The following CORIN variants were observed in gnomAD, a reference collection of about 807,000 sequenced individuals.
CORIN encodes corin, serine peptidase.
Under a neutral mutation model 125.3 loss-of-function variants are expected in CORIN, and 117 were observed. That is an observed-to-expected ratio of 0.93 (90% CI 0.80 to 1.09). CORIN has a LOEUF of 1.09. Among genes scored for constraint, CORIN ranks in the 50% least tolerant of loss-of-function variants. CORIN has a pLI of 0.00. For missense variants in CORIN, 1,253 were observed against 1,306.7 expected, an observed-to-expected ratio of 0.96 and a Z score of 0.63; for synonymous variants, 450 against 466.4, an observed-to-expected ratio of 0.96 and a Z score of 0.45.
intron 16 of CORIN, among the ~76,000 whole-genome samples, chr4:47,628,341 A>G (rs2351792): frequency 0.14 from 20,966 of 151,952 alleles, 1,943 homozygotes; most frequent in East Asian, 0.47. Context: ...AAAATTGTAC[A>G]TATTTAAGGG....
At chr4:47,615,904 T>G (rs1418045886) in intron 19 of CORIN, among the ~76,000 whole-genome samples, 2 of 152,156 alleles carry the variant, frequency 1.3e-5, no homozygotes, top group African/African-American at 4.8e-5. Context: ...TTCCACTTTT[T>G]TGGAAGAAGA....
At chr4:47,706,425 C>T (rs1726555376) in intron 5 of CORIN, 8 of 1,609,682 alleles carry the variant, frequency 5.0e-6, no homozygotes, top group Non-Finnish European at 5.9e-6. Context: ...AGTCTGATGT[C>T]ACGCGCTTTC....
At chr4:47,660,901 C>T (rs970585191) in intron 12 of CORIN, among the ~76,000 whole-genome samples, 1 of 152,164 alleles carries the variant, frequency 6.6e-6, no homozygotes, top group African/African-American at 2.4e-5. Context: ...GCACTATTCA[C>T]AATAGCCAAG....
intron 7 of CORIN, chr4:47,682,676 T>C (rs1725344411): frequency 2.0e-5 from 3 of 152,192 alleles, no homozygotes; most frequent in Admixed American, 1.3e-4. Flanking sequence ...CCTGATTTGA[T>C]CATTACATAT....
chr4:47,744,380 G>T (rs751908590), intron 5 of CORIN, 22 bp downstream of exon 5: 1 of 1,603,224 alleles, frequency 6.2e-7, no homozygotes, highest in Non-Finnish European at 8.5e-7. Flanking sequence ...TTCTAAAAAT[G>T]AAATGAAACA....
At chr4:47,600,943 CT>C (rs1474947342) in intron 20 of CORIN, among the ~76,000 whole-genome samples, 3 of 152,214 alleles carry the variant, frequency 2.0e-5, no homozygotes, top group Non-Finnish European at 4.4e-5. Context: ...TGAATTCCAT[CT>C]TGCTTAAAAG....
rs1336621926 is a variant in CORIN, at chr4:47,661,825, C to CA, written c.1620dup (p.Glu541Ter). 1.9e-6 allele frequency: 3 copies of CA among 1,613,014 alleles called. No homozygotes were observed. Among genetic ancestry groups the CA allele is most frequent in the Non-Finnish European group, 2.5e-6 (3 of 1,179,374 alleles). On this transcript the variant is annotated frameshift_variant, in exon 12 of 22. Transcript: ENST00000273857. LOFTEE classifies it high-confidence loss of function. Reference sequence around the variant, plus strand: ...AGGCCCACAATCCCAAGAACAGACTCACAGCGTTCTTTAGAGTGTTCACAC... The same window carrying CA: ...AGGCCCACAATCCCAAGAACAGACTCAACAGCGTTCTTTAGAGTGTTCACAC...
chr4:47,666,129 A>C (rs1187756310), intron 10 of CORIN, among the ~76,000 whole-genome samples: 1 of 152,174 alleles, frequency 6.6e-6, no homozygotes, highest in Non-Finnish European at 1.5e-5. Flanking sequence ...TGGAAGACTC[A>C]GCACAAATAC....
At chr4:47,755,399 T>G (rs1355740321) in intron 4 of CORIN, among the ~76,000 whole-genome samples, 2 of 152,208 alleles carry the variant, frequency 1.3e-5, no homozygotes, top group East Asian at 3.8e-4. Flanking sequence ...TCAAGTATTC[T>G]TCACATGAAC....
chr4:47,714,454 A>G (rs889004866), intron 5 of CORIN, among the ~76,000 whole-genome samples: 1 of 152,228 alleles, frequency 6.6e-6, no homozygotes, highest in African/African-American at 2.4e-5. Context: ...GAGGAAACCA[A>G]TGCTGGAGAG....
chr4:47,648,488 T>A (rs1018617541), intron 13 of CORIN, among the ~76,000 whole-genome samples: 2 of 152,194 alleles, frequency 1.3e-5, no homozygotes, highest in African/African-American at 2.4e-5. Context: ...GTTTTTTGCT[T>A]ACTCTATCTC....
intron 16 of CORIN, among the ~76,000 whole-genome samples, chr4:47,632,725 T>TGATAGATAAATAGATGATAGATAGATA (rs1553905860): frequency 1.7e-4 from 21 of 126,658 alleles, no homozygotes; most frequent in African/African-American, 6.8e-4. Context: ...TGACAATAGA[T>TGATAGATAAATAGATGATAGATAGATA]GATAGATAGA....
Position 47,645,159 on chromosome 4 carries a change from T to G in CORIN, c.1879A>C (p.Asn627His), listed in dbSNP as rs1414482620. The G allele has an allele frequency of 1.2e-6, 2 of 1,611,780 alleles. No individual in the cohort carries two copies. Among genetic ancestry groups the G allele is most frequent in the South Asian group, 2.2e-5 (2 of 90,916 alleles). Residue 627 changes from asparagine to histidine, a missense_variant, in exon 14 of 22, where the codon AAT becomes CAT. Transcript: ENST00000273857. ...KERDLWECPS[N>H]KQCLKHTVIC... ...ACTGTGTGCTTCAAACATTGTTTAT[T>G]GGATGGACATTCCCAAAGATCTCTC...
chr4:47,623,947 G>T lies in CORIN; in HGVS notation c.2317C>A (p.Gln773Lys), dbSNP rs1368379554. 2 of 1,612,462 alleles carry T rather than the reference G, an allele frequency of 1.2e-6. No homozygotes were observed. Among genetic ancestry groups the T allele is most frequent in the Admixed American group, 3.3e-5 (2 of 59,948 alleles). The change falls in exon 18 of 22, where the codon CAG becomes AAG. Residue 773 changes from glutamine to lysine, a missense_variant and splice_region_variant. By Grantham distance (53) the Gln-to-Lys change is moderately conservative. Coordinates refer to ENST00000273857, the MANE Select transcript of CORIN (RefSeq NM_006587.4). ...ATTTTACTTCTGCTCTCACAAGACT[G>T]CCTGGATTTGGAAACATAAAATGGT... ...TTLHELLVNG[Q>K]SCESRSKISL...
At chr4:47,820,833 C>T (rs1022930924) in intron 1 of CORIN, among the ~76,000 whole-genome samples, 1 of 152,136 alleles carries the variant, frequency 6.6e-6, no homozygotes, top group South Asian at 2.1e-4. Context: ...AATTGTTACA[C>T]AAATATTCAT....
At chr4:47,802,662 G>A (rs1731597218) in intron 2 of CORIN, among the ~76,000 whole-genome samples, 1 of 152,180 alleles carries the variant, frequency 6.6e-6, no homozygotes, top group East Asian at 1.9e-4. Flanking sequence ...CAGCATCTCT[G>A]GACCCACCTG....
intron 11 of CORIN, among the ~76,000 whole-genome samples, chr4:47,662,959 G>A (rs1239467667): frequency 6.6e-6 from 1 of 152,146 alleles, no homozygotes; most frequent in Non-Finnish European, 1.5e-5. Flanking sequence ...CAGGAAAGAT[G>A]GAAAGTTCAA....
chr4:47,706,491 C>A, intron 5 of CORIN: 1 of 1,611,504 alleles, frequency 6.2e-7, no homozygotes, highest in East Asian at 2.2e-5. Flanking sequence ...ACAGGGCTCC[C>A]CGCCCCACCC....
chr4:47,626,546 A>G, intron 16 of CORIN, 25 bp from the exon 17 acceptor site: 1 of 1,332,278 alleles, frequency 7.5e-7, no homozygotes, highest in Non-Finnish European at 1.1e-6. Context: ...ATACTGGATA[A>G]GTATTCAAAG....
Sources: gnomAD v4.1 joint callset for allele counts (sites outside exome capture counted in the v4.1 genomes callset) on GRCh38, gnomAD v4.1.1 for gene constraint, MANE v1.5 for transcripts, NCBI Gene and HGNC (gene_info 2026-07-23, HGNC 2026-07-21) for gene names.